DLGAP2: variants seen among roughly 807,000 people sequenced by gnomAD.
DLGAP2 encodes the protein DLG associated protein 2.
In DLGAP2, 26 loss-of-function variants were observed where a neutral mutation model predicts 100.3. That is an observed-to-expected ratio of 0.26 (90% CI 0.19 to 0.36). The LOEUF (loss-of-function observed/expected upper bound fraction) is 0.36. DLGAP2 is among the 10% of genes least tolerant of loss of function. The pLI, the probability that DLGAP2 is intolerant of heterozygous loss-of-function variation, is 1.00. For missense variants in DLGAP2, 1,858 were observed against 1,453.2 expected (o/e 1.28, Z -4.53); for synonymous variants, 886 against 630.1 (o/e 1.41, Z -6.08).
chr8:1,573,974 C>T (rs1406384527), intron 6 of DLGAP2, among the ~76,000 whole-genome samples: 5 of 152,092 alleles, frequency 3.3e-5, no homozygotes, highest in East Asian at 1.9e-4. Context: ...TCTCTAAATG[C>T]GTGAGACAGG....
intron 3 of DLGAP2, among the ~76,000 whole-genome samples, chr8:1,339,220 G>A (rs1013195851): frequency 6.6e-6 from 1 of 151,110 alleles, no homozygotes; most frequent in Non-Finnish European, 1.5e-5. Context: ...CCTCAGTGAG[G>A]CGTCAGGACC....
chr8:1,594,425 G>C (rs1796385639), intron 6 of DLGAP2, among the ~76,000 whole-genome samples: 1 of 152,102 alleles, frequency 6.6e-6, no homozygotes, highest in South Asian at 2.1e-4. Context: ...AGAAATTATG[G>C]AGCTGAAGAA....
intron 1 of DLGAP2, among the ~76,000 whole-genome samples, chr8:776,656 G>A (rs190219871): frequency 1.6e-4 from 24 of 152,314 alleles, no homozygotes; most frequent in Admixed American, 8.5e-4. Flanking sequence ...GTAGCTGAGC[G>A]GTTTTGAGTG....
At chr8:749,578 C>G (rs1457892992) in intron 1 of DLGAP2, among the ~76,000 whole-genome samples, 1 of 152,058 alleles carries the variant, frequency 6.6e-6, no homozygotes, top group African/African-American at 2.4e-5. Flanking sequence ...AAACTTTCCC[C>G]TATTGTTTGA....
intron 6 of DLGAP2, among the ~76,000 whole-genome samples, chr8:1,576,360 G>T (rs1417624104): frequency 6.6e-6 from 1 of 152,066 alleles, no homozygotes; most frequent in Non-Finnish European, 1.5e-5. Flanking sequence ...TGTAGATTCT[G>T]GATATTAGCC....
At chr8:1,689,040 G>A (rs1168812105) in intron 12 of DLGAP2, among the ~76,000 whole-genome samples, 1 of 152,204 alleles carries the variant, frequency 6.6e-6, no homozygotes, top group African/African-American at 2.4e-5. Context: ...TCTGGATCGT[G>A]TGCAATGAAT....
At chr8:1,287,332 TGC>T (rs1419817453) in intron 3 of DLGAP2, among the ~76,000 whole-genome samples, 2 of 95,898 alleles carry the variant, frequency 2.1e-5, no homozygotes, top group Non-Finnish European at 2.0e-5. Flanking sequence ...TGTGTGTGTG[TGC>T]GTGGTTCTGT....
intron 2 of DLGAP2, among the ~76,000 whole-genome samples, chr8:946,471 G>T (rs1052620599): frequency 6.6e-6 from 1 of 151,846 alleles, no homozygotes; most frequent in Non-Finnish European, 1.5e-5. Context: ...CACCATATTA[G>T]CCAGGATGGT....
chr8:1,414,884 C>A (rs759720317), intron 3 of DLGAP2, among the ~76,000 whole-genome samples: 5 of 152,150 alleles, frequency 3.3e-5, no homozygotes, highest in Non-Finnish European at 7.4e-5. Context: ...TGGCAGGCAT[C>A]TGTAATCCCA....
intron 1 of DLGAP2, among the ~76,000 whole-genome samples, chr8:777,892 G>A (rs1165618311): frequency 6.6e-5 from 10 of 152,032 alleles, no homozygotes; most frequent in Admixed American, 3.9e-4. Flanking sequence ...TCTGAACGTC[G>A]GCCTGCCTTG....
At chr8:1,483,886 TC>T (rs1345291455) in intron 3 of DLGAP2, among the ~76,000 whole-genome samples, 16 of 152,060 alleles carry the variant, frequency 1.1e-4, no homozygotes, top group African/African-American at 3.9e-4. Context: ...CCTGTTAGTT[TC>T]AAACATAGCA....
chr8:1,408,383 G>A (rs1429987273), intron 3 of DLGAP2, among the ~76,000 whole-genome samples: 8 of 152,130 alleles, frequency 5.3e-5, no homozygotes, highest in Non-Finnish European at 1.0e-4. Flanking sequence ...TCAGTTCCAG[G>A]CCCCAGCTCC....
chr8:1,432,200 A>T (rs767930724), intron 3 of DLGAP2, among the ~76,000 whole-genome samples: 1 of 152,238 alleles, frequency 6.6e-6, no homozygotes, highest in Non-Finnish European at 1.5e-5. Flanking sequence ...TTTTTGCCCC[A>T]TATTTCATTG....
intron 5 of DLGAP2, among the ~76,000 whole-genome samples, chr8:1,561,847 G>A (rs1474413188): frequency 3.8e-5 from 1 of 26,624 alleles, no homozygotes; most frequent in African/African-American, 1.7e-4. Flanking sequence ...GGGTGTCCGC[G>A]CCTCGTTACT....
intron 3 of DLGAP2, among the ~76,000 whole-genome samples, chr8:1,277,215 C>T (rs1799716141): frequency 6.6e-6 from 1 of 152,126 alleles, no homozygotes; most frequent in African/African-American, 2.4e-5. Context: ...TTTTTGGAAC[C>T]CAGGAGTGAC....
chr8:1,455,228 A>T (rs1798276242), intron 3 of DLGAP2, among the ~76,000 whole-genome samples: 1 of 152,244 alleles, frequency 6.6e-6, no homozygotes, highest in African/African-American at 2.4e-5. Flanking sequence ...CTCCACGTGG[A>T]CGCCCAGTCA....
chr8:1,192,747 G>A (rs768982237), intron 2 of DLGAP2, among the ~76,000 whole-genome samples: 1 of 151,112 alleles, frequency 6.6e-6, no homozygotes, highest in East Asian at 2.0e-4. Context: ...ATGGAAACAT[G>A]TGCCATGTTG....
intron 1 of DLGAP2, among the ~76,000 whole-genome samples, chr8:803,891 C>T (rs1235916119): frequency 6.6e-6 from 1 of 152,194 alleles, no homozygotes; most frequent in Non-Finnish European, 1.5e-5. Context: ...ATAATTCATG[C>T]ACTTAGGGCT....
chr8:744,846 T>C (rs1820576057), intron 1 of DLGAP2, among the ~76,000 whole-genome samples: 1 of 152,200 alleles, frequency 6.6e-6, no homozygotes, highest in Admixed American at 6.5e-5. Context: ...GGAATGCTGC[T>C]TCCCCGGCCC....
Sources: allele counts gnomAD v4.1 joint callset (sites outside exome capture counted in the v4.1 genomes callset), GRCh38; gene constraint gnomAD v4.1.1; transcripts MANE v1.5; gene names NCBI Gene and HGNC (gene_info 2026-07-23, HGNC 2026-07-21).